The following IFNGR2 variants were observed in gnomAD, a reference collection of about 807,000 sequenced individuals.
IFNGR2 encodes the protein interferon gamma receptor 2.
Under a neutral mutation model 41.1 loss-of-function variants are expected in IFNGR2, and 15 were observed. The observed-to-expected ratio is 0.37, with a 90% CI of 0.24 to 0.56. The LOEUF (loss-of-function observed/expected upper bound fraction) is 0.56, where lower values mean the gene tolerates loss of function less well. Ranked by LOEUF, IFNGR2 falls within the 20% of genes least tolerant of loss-of-function variation. IFNGR2 has a pLI of 0.81. For synonymous variants in IFNGR2, 161 were observed against 171.6 expected (o/e 0.94, Z 0.48); for missense variants, 362 against 415.7 (o/e 0.87, Z 1.12).
intron 6 of IFNGR2, among the ~76,000 whole-genome samples, chr21:33,433,545 A>T (rs917757123): frequency 1.3e-5 from 2 of 152,134 alleles, no homozygotes; most frequent in African/African-American, 4.8e-5. Flanking sequence ...CACTTAAATG[A>T]GGTCCCCAGA....
rs1019510799 is a variant in IFNGR2, at chr21:33,423,025, T to A, written c.412+1340T>A. Among the ~76,000 whole-genome samples the A allele has an allele frequency of 1.3e-4, 19 of 149,222 alleles. 1 individual carries two copies. The highest frequency in any genetic ancestry group is 1.0e-3 in the Admixed American group (15 of 14,968). ...TTAGTACATGAGTGTTTGTTAATGA[T>A]CTTCCCTCTACTTTTTTTTTTTTTT... On this transcript the variant is annotated intron_variant, in intron 3 of 6. Transcript: ENST00000290219.
intron 4 of IFNGR2, 137 bp downstream of exon 4, chr21:33,427,169 C>T: frequency 1.2e-6 from 1 of 807,494 alleles, no homozygotes; most frequent in South Asian, 1.5e-5. Context: ...GAGCCCTGAG[C>T]CTGTTTTCAT....
chr21:33,436,621 T>C (rs181768389), intron 6 of IFNGR2, among the ~76,000 whole-genome samples: 61 of 151,582 alleles, frequency 4.0e-4, no homozygotes, highest in African/African-American at 1.2e-3. Context: ...ACTTGGAGGA[T>C]TGAGGCAGGA....
chr21:33,416,606 C>T lies in IFNGR2; in HGVS notation c.206+1586C>T, dbSNP rs539678580. ...GGGAGGCCAAGACGGGCGGATCACG[C>T]GGTGAGGAGATCGAGACCATCCTGG... On this transcript the variant is annotated intron_variant, in intron 2 of 6. Coordinates refer to ENST00000290219, the MANE Select transcript of IFNGR2 (RefSeq NM_005534.4). Among the ~76,000 whole-genome samples the T allele has an allele frequency of 4.4e-4, 67 of 152,034 alleles. 1 individual carries two copies. In the South Asian group the frequency reaches 0.012, roughly 28 times the overall value.
At chr21:33,410,484 T>C (rs1463864936) in intron 1 of IFNGR2, among the ~76,000 whole-genome samples, 2 of 151,488 alleles carry the variant, frequency 1.3e-5, no homozygotes, top group Admixed American at 1.3e-4. Context: ...TTTTTTTTTT[T>C]TGAGACAGAG....
intron 1 of IFNGR2, among the ~76,000 whole-genome samples, chr21:33,403,965 G>A (rs990281521): frequency 2.6e-5 from 4 of 152,284 alleles, no homozygotes; most frequent in African/African-American, 9.6e-5. Flanking sequence ...CCCTCTCCGG[G>A]AGAGGACACT....
intron 3 of IFNGR2, among the ~76,000 whole-genome samples, chr21:33,424,973 G>C (rs971052776): frequency 6.6e-6 from 1 of 152,090 alleles, no homozygotes; most frequent in Admixed American, 6.6e-5. Flanking sequence ...GCAGTGGCCC[G>C]ATCTCGGCTC....
In IFNGR2 at chr21:33,437,125, G is replaced by T; in HGVS notation, c.*163G>T. On this transcript the variant is annotated 3_prime_UTR_variant, in exon 7 of 7. Coordinates refer to ENST00000290219, the MANE Select transcript of IFNGR2 (RefSeq NM_005534.4). ...ACAGCAGGTCTCATGGGGGTGACAAGCTTTTTTTTTTTTTCTTAAAGAATT... is the reference window on the plus strand; with the variant it reads ...ACAGCAGGTCTCATGGGGGTGACAATCTTTTTTTTTTTTTCTTAAAGAATT... 1.0e-5 allele frequency: 6 copies of T among 575,524 alleles called. No homozygotes were observed. The highest frequency in any genetic ancestry group is 2.2e-5 in the South Asian group (1 of 44,620). 35.7% of individuals were successfully genotyped at this position (575,524 alleles called of 1,614,324 possible).
At chr21:33,405,441 C>T (rs886096952) in intron 1 of IFNGR2, among the ~76,000 whole-genome samples, 6 of 152,170 alleles carry the variant, frequency 3.9e-5, no homozygotes, top group Admixed American at 3.3e-4. Context: ...CTTGGCTTCA[C>T]GTCTTGAGCA....
intron 4 of IFNGR2, among the ~76,000 whole-genome samples, chr21:33,427,841 C>CTTTTTTTTTTTTT (rs2083851840): frequency 8.6e-6 from 1 of 116,920 alleles, no homozygotes; most frequent in African/African-American, 3.4e-5. Flanking sequence ...CATCTCATTT[C>CTTTTTTTTTTTTT]ATCTTTTTTT....
At chr21:33,415,911 G>A (rs34355531) in intron 2 of IFNGR2, among the ~76,000 whole-genome samples, 3,537 of 152,302 alleles carry the variant, frequency 0.023, 49 homozygotes, top group Non-Finnish European at 0.035. Flanking sequence ...GCCCAGGCTG[G>A]AGGGCAATGG....
intron 1 of IFNGR2, among the ~76,000 whole-genome samples, chr21:33,412,796 T>A (rs2083726451): frequency 6.6e-6 from 1 of 152,228 alleles, no homozygotes; most frequent in Admixed American, 6.5e-5. Flanking sequence ...CCTCAGGTGA[T>A]CCACCACCTC....
At chr21:33,426,416 A>AAATG (rs2083836259) in intron 3 of IFNGR2, among the ~76,000 whole-genome samples, 1 of 151,042 alleles carries the variant, frequency 6.6e-6, no homozygotes, top group South Asian at 2.1e-4. Context: ...TCCATCTCAA[A>AAATG]AATGAATAAA....
At chr21:33,434,244 G>A (rs1341481955) in intron 6 of IFNGR2, among the ~76,000 whole-genome samples, 8 of 152,266 alleles carry the variant, frequency 5.3e-5, no homozygotes, top group South Asian at 2.1e-4. Flanking sequence ...ATTTGCAGCC[G>A]GGCGCAGTGA....
rs202122427 is a variant in IFNGR2 at position 33,436,954 on chromosome 21, A to G, written c.1006A>G (p.Thr336Ala). The change falls in exon 7 of 7, where the codon ACG (threonine) becomes GCG (alanine). Residue 336 changes from threonine to alanine, a missense_variant. Physicochemically the swap from Thr to Ala is moderately conservative, Grantham distance 58 (BLOSUM62 0). Transcript: ENST00000290219. ...AAAGGAGCAAGAAGATGTTCTCCAA[A>G]CGCTTTGAACCAAAGCATGGGCCTA... The part of the protein sequence containing the change: ...PEKEQEDVLQ[T>A]L 1 of 1,613,998 alleles carries G rather than the reference A, an allele frequency of 6.2e-7. No homozygotes were observed. Among genetic ancestry groups the G allele is most frequent in the Non-Finnish European group, 8.5e-7 (1 of 1,179,938 alleles).
At chr21:33,429,053 C>G (rs1449915307) in intron 4 of IFNGR2, among the ~76,000 whole-genome samples, 2 of 152,164 alleles carry the variant, frequency 1.3e-5, no homozygotes, top group Non-Finnish European at 2.9e-5. Context: ...CCGCTTAGCA[C>G]CATGTCACTT....
At chr21:33,422,174 G>A (rs116081969) in intron 3 of IFNGR2, among the ~76,000 whole-genome samples, 57 of 152,342 alleles carry the variant, frequency 3.7e-4, no homozygotes, top group African/African-American at 1.4e-3. Flanking sequence ...AATGGTGCCT[G>A]GCATGTAGTA....
At chr21:33,416,185 A>C (rs1245934109) in intron 2 of IFNGR2, among the ~76,000 whole-genome samples, 1 of 152,186 alleles carries the variant, frequency 6.6e-6, no homozygotes, top group Non-Finnish European at 1.5e-5. Flanking sequence ...TATCCTACAC[A>C]GATAATTCAA....
At position 33,408,688 on chromosome 21, in the gene IFNGR2, A is replaced by G. The variant is rs558073435; in HGVS notation, c.73+5072A>G. ...AATGTAGAGAATAGTCTACTTAGAG[A>G]CCTTGTCAGAATGTCTGTATTACCA... On this transcript the variant is annotated intron_variant, in intron 1 of 6. Transcript: ENST00000290219. 3.5e-4 allele frequency among the ~76,000 whole-genome samples: 54 copies of G among 152,256 alleles called. 1 individual carries two copies. The South Asian group carries it at 0.011, about 31-fold the overall frequency.
Sources: gnomAD v4.1 joint callset for allele counts (sites outside exome capture counted in the v4.1 genomes callset) on GRCh38, gnomAD v4.1.1 for gene constraint, MANE v1.5 for transcripts, NCBI Gene and HGNC (gene_info 2026-07-23, HGNC 2026-07-21) for gene names.